The following DOC2B variants were observed in gnomAD, a reference collection of about 807,000 sequenced individuals.
DOC2B encodes double C2-like domain-containing protein beta.
In DOC2B, 21 loss-of-function variants were observed where a neutral mutation model predicts 28.9. That is an observed-to-expected ratio of 0.73 (90% CI 0.52 to 1.05). The LOEUF (loss-of-function observed/expected upper bound fraction) is 1.05. DOC2B is among the 50% of genes least tolerant of loss of function. The pLI, the probability that DOC2B is intolerant of heterozygous loss-of-function variation, is 0.00. For synonymous variants in DOC2B, 194 were observed against 178.1 expected, an observed-to-expected ratio of 1.09 and a Z score of -0.71; for missense variants, 384 against 421.1, an observed-to-expected ratio of 0.91 and a Z score of 0.77.
Position 172,596 on chromosome 17 carries a change from A to T in DOC2B, c.394T>A (p.Phe132Ile). 7.7e-6 allele frequency: 12 copies of T among 1,550,922 alleles called. No individual in the cohort carries two copies. Among genetic ancestry groups the T allele is most frequent in the Non-Finnish European group, 9.6e-6 (11 of 1,146,526 alleles). Residue 132 changes from phenylalanine (F) to isoleucine (I), a missense_variant, in exon 2 of 9, where the codon TTC (phenylalanine) becomes ATC (isoleucine). Coordinates refer to ENST00000613549, the MANE Select transcript of DOC2B (RefSeq NM_003585.5). ...TTCTCCTGGTCATACAGCAGGCTGA[A>T]GTCCAGCGTGCCCAGGGCAGCTGCG... is the stretch of plus-strand genomic sequence containing the variant. Reference protein sequence around the residue: ...DDCTALGTLDFSLLYDQENNA... With the variant: ...DDCTALGTLDISLLYDQENNA...
At chr17:159,723 A>G (rs982126015) in intron 5 of DOC2B, among the ~76,000 whole-genome samples, 4 of 152,140 alleles carry the variant, frequency 2.6e-5, no homozygotes, top group Non-Finnish European at 4.4e-5. Flanking sequence ...CCTGAACGGC[A>G]CCAATGGGCC....
chr17:159,498 C>A (rs1004553630), intron 5 of DOC2B, among the ~76,000 whole-genome samples: 1 of 152,192 alleles, frequency 6.6e-6, no homozygotes, highest in Non-Finnish European at 1.5e-5. Flanking sequence ...GCGGCACACG[C>A]CTGTAGTCCC....
At position 147,233 on chromosome 17, in the gene DOC2B, C is replaced by T. The variant is rs1411333210; in HGVS notation, c.*208G>A. The T allele has an allele frequency of 1.3e-5, 5 of 391,770 alleles. No homozygotes were observed. The highest frequency in any genetic ancestry group is 2.2e-5 in the Non-Finnish European group (5 of 222,254). 24.3% of individuals were successfully genotyped at this position (391,770 alleles called of 1,614,324 possible). Reference sequence around the variant, plus strand: ...CTCTTGGGCCCCAGAGAGCTGAGAGCCCCCCACCCCAGCTCCTTGCCCTCC... The same window carrying T: ...CTCTTGGGCCCCAGAGAGCTGAGAGTCCCCCACCCCAGCTCCTTGCCCTCC... On this transcript the variant is annotated 3_prime_UTR_variant, in exon 9 of 9. Coordinates refer to ENST00000613549, the MANE Select transcript of DOC2B (RefSeq NM_003585.5).
chr17:149,519 A>C (rs979009079), intron 6 of DOC2B, among the ~76,000 whole-genome samples: 1 of 152,080 alleles, frequency 6.6e-6, no homozygotes, highest in African/African-American at 2.4e-5. Flanking sequence ...TTCCCACCAG[A>C]ACAGAGTTTT....
intron 6 of DOC2B, 146 bp downstream of exon 6, chr17:156,074 G>A (rs2040131331): frequency 2.3e-6 from 2 of 885,438 alleles, no homozygotes; most frequent in Non-Finnish European, 3.3e-6. Flanking sequence ...CCCTGGAGTT[G>A]CCAAGGTAGC....
chr17:150,902 G>A (rs752261864), intron 6 of DOC2B, among the ~76,000 whole-genome samples: 4 of 152,164 alleles, frequency 2.6e-5, no homozygotes, highest in African/African-American at 7.2e-5. Flanking sequence ...GCATTCCTCC[G>A]TGTGAAAGAA....
chr17:165,506 A>G (rs1269521426), intron 2 of DOC2B, among the ~76,000 whole-genome samples: 4 of 148,756 alleles, frequency 2.7e-5, no homozygotes, highest in Non-Finnish European at 3.0e-5. Context: ...AAAAAAAAAA[A>G]GGGCGGGGGT....
At position 147,631 on chromosome 17, in the gene DOC2B, G is replaced by A. The variant is rs9912459; in HGVS notation, c.1103-54C>T. ...GCACAGGGACCCCCAACTCCCAGGC[G>A]TGGGGCCCATGCCCCCTCCCAGGTT... On this transcript the variant is annotated intron_variant, in intron 8 of 8. Coordinates refer to ENST00000613549, the MANE Select transcript of DOC2B (RefSeq NM_003585.5). 8.1e-3 allele frequency: 3,227 copies of A among 398,886 alleles called. 96 individuals carry two copies. Among genetic ancestry groups the A allele is most frequent in the African/African-American group, 0.058 (2,822 of 48,754 alleles). 24.7% of individuals were successfully genotyped at this position (398,886 alleles called of 1,614,324 possible).
chr17:168,907 C>T (rs945595665), intron 2 of DOC2B, among the ~76,000 whole-genome samples: 15 of 152,222 alleles, frequency 9.9e-5, no homozygotes, highest in African/African-American at 3.6e-4. Flanking sequence ...ATAAATTACA[C>T]AGTCTCAGGT....
intron 2 of DOC2B, among the ~76,000 whole-genome samples, chr17:170,248 G>A (rs1189584895): frequency 6.6e-6 from 1 of 152,194 alleles, no homozygotes; most frequent in Non-Finnish European, 1.5e-5. Context: ...AGGCAGGGCT[G>A]GACATGCCCT....
chr17:173,757 T>A (rs922496322), intron 1 of DOC2B, among the ~76,000 whole-genome samples: 25 of 151,244 alleles, frequency 1.7e-4, no homozygotes, highest in African/African-American at 5.4e-4. Flanking sequence ...CTGGGGGAGG[T>A]GACGATTCCA....
intron 2 of DOC2B, 127 bp from the exon 3 acceptor site, chr17:164,331 C>CT: frequency 4.3e-6 from 3 of 693,712 alleles, no homozygotes. Context: ...CAGAAGCCCC[C>CT]GGGCCCCACA....
intron 6 of DOC2B, among the ~76,000 whole-genome samples, chr17:152,467 T>G (rs1205379856): frequency 6.6e-6 from 1 of 152,072 alleles, no homozygotes; most frequent in African/African-American, 2.4e-5. Flanking sequence ...GAGATGAGCT[T>G]TATAAAAATA....
chr17:147,612 G>T, intron 8 of DOC2B, 35 bp from the exon 9 acceptor site: 1 of 398,848 alleles, frequency 2.5e-6, no homozygotes, highest in Non-Finnish European at 4.4e-6. Context: ...TGGGGCACAG[G>T]GACCCCCAAC....
chr17:181,051 G>C lies in DOC2B; in HGVS notation c.373+56C>G, dbSNP rs184036955. On this transcript the variant is annotated intron_variant, in intron 1 of 8. Transcript: ENST00000613549. This position sits in a 1 kb window ranked among gnomAD's most constrained non-coding sequence, Gnocchi z 7.0. ...GCGGAGGGAAGCCGCGAGGCCGTGG[G>C]GGGGCCGAGCCCGAGCCAGGGGAGG... 2.2e-3 allele frequency: 2,672 copies of C among 1,207,116 alleles called. 48 individuals carry two copies. In the African/African-American group the frequency reaches 0.037, roughly 17 times the overall value. 74.8% of individuals were successfully genotyped at this position (1,207,116 alleles called of 1,614,324 possible). A position where few individuals can be genotyped will look rare whatever the true frequency, so the allele number is the denominator to read the frequency against.
At chr17:161,585 C>G (rs1405482346) in intron 4 of DOC2B, 44 bp from the exon 5 acceptor site, 5 of 1,550,632 alleles carry the variant, frequency 3.2e-6, no homozygotes, top group Middle Eastern at 3.3e-4. Context: ...GCCTCAGACG[C>G]ACTGGGCATG....
chr17:145,347 T>G lies in DOC2B; in HGVS notation c.*2094A>C, dbSNP rs1450800446. The stretch of plus-strand genomic sequence containing the variant: ...AAGCGGCAGTCAGAGGACCTGGGTT[T>G]GAGTCCTGGTTCACCCCTTCCTGGC... On this transcript the variant is annotated 3_prime_UTR_variant, in exon 9 of 9. Transcript: ENST00000613549. The G allele has an allele frequency of 6.6e-6, 1 of 152,246 alleles. No homozygotes were observed. Among genetic ancestry groups the G allele is most frequent in the Non-Finnish European group, 1.5e-5 (1 of 68,112 alleles). The allele number at this position is 152,246 out of a possible 1,614,324, so 9.4% of individuals were successfully genotyped here.
intron 2 of DOC2B, 116 bp from the exon 3 acceptor site, chr17:164,320 A>C: frequency 1.3e-6 from 1 of 782,288 alleles, no homozygotes; most frequent in Non-Finnish European, 2.1e-6. Flanking sequence ...GGCCCCTTTC[A>C]CAGAAGCCCC....
At chr17:175,804 G>A (rs1363426151) in intron 1 of DOC2B, among the ~76,000 whole-genome samples, 1 of 152,230 alleles carries the variant, frequency 6.6e-6, no homozygotes, top group Non-Finnish European at 1.5e-5. Context: ...GAGGGGAGAA[G>A]CCCCTGCACT....
Sources: gnomAD v4.1 joint callset for allele counts (sites outside exome capture counted in the v4.1 genomes callset) on GRCh38, gnomAD v4.1.1 for gene constraint, Gnocchi (gnomAD v3.1) non-coding constraint, MANE v1.5 for transcripts, NCBI Gene and HGNC (gene_info 2026-07-23, HGNC 2026-07-21) for gene names.